The following RBFOX1 variants were observed in gnomAD, a reference collection of about 807,000 sequenced individuals.
RBFOX1 encodes the protein RNA binding fox-1 homolog 1.
Under a neutral mutation model 57.7 loss-of-function variants are expected in RBFOX1, and 8 were observed. That is an observed-to-expected ratio of 0.14 (90% CI 0.08 to 0.25). The LOEUF is 0.25. Among genes scored for constraint, RBFOX1 ranks in the 10% least tolerant of loss-of-function variants. The pLI, the probability that RBFOX1 is intolerant of heterozygous loss-of-function variation, is 1.00. For synonymous variants in RBFOX1, 326 were observed against 222.4 expected (o/e 1.47, Z -4.15); for missense variants, 611 against 548.5 (o/e 1.11, Z -1.14).
intron 3 of RBFOX1, among the ~76,000 whole-genome samples, chr16:6,778,188 AAC>A (rs1247681291): frequency 6.6e-6 from 1 of 152,126 alleles, no homozygotes; most frequent in Non-Finnish European, 1.5e-5. Context: ...AATCGATTAA[AAC>A]AATTCAGTCT....
chr16:7,432,038 C>T (rs1222874370), intron 4 of RBFOX1, among the ~76,000 whole-genome samples: 1 of 152,208 alleles, frequency 6.6e-6, no homozygotes, highest in African/African-American at 2.4e-5. Context: ...TTTCCTTACA[C>T]CCAGCCCAGT....
At chr16:6,731,089 G>C (rs1418790783) in intron 3 of RBFOX1, among the ~76,000 whole-genome samples, 1 of 152,116 alleles carries the variant, frequency 6.6e-6, no homozygotes, top group East Asian at 1.9e-4. Context: ...TTTACCTTTG[G>C]AAAACTGGTT....
chr16:6,494,230 G>A (rs2095704730), intron 2 of RBFOX1, among the ~76,000 whole-genome samples: 1 of 152,112 alleles, frequency 6.6e-6, no homozygotes, highest in South Asian at 2.1e-4. Flanking sequence ...TTTCCCTAAG[G>A]TTACTTGCAC....
chr16:6,746,537 C>T (rs989083407), intron 3 of RBFOX1, among the ~76,000 whole-genome samples: 2 of 151,942 alleles, frequency 1.3e-5, no homozygotes, highest in African/African-American at 2.4e-5. Context: ...AATTGCCGGG[C>T]ATGATGGCAC....
chr16:5,949,041 T>A (rs1365302204), intron 4 of RBFOX1, among the ~76,000 whole-genome samples: 1 of 152,146 alleles, frequency 6.6e-6, no homozygotes, highest in Non-Finnish European at 1.5e-5. Context: ...ACACAACTAT[T>A]ATGGGGGGTG....
At chr16:7,181,460 G>T (rs73538607) in intron 4 of RBFOX1, among the ~76,000 whole-genome samples, 4,584 of 152,128 alleles carry the variant, frequency 0.03, 233 homozygotes, top group African/African-American at 0.11. Flanking sequence ...GCTAGTAGTA[G>T]AAAAGTACTA....
intron 4 of RBFOX1, among the ~76,000 whole-genome samples, chr16:7,185,389 T>C (rs1209644353): frequency 6.6e-6 from 1 of 152,194 alleles, no homozygotes; most frequent in Non-Finnish European, 1.5e-5. Flanking sequence ...CCTTAATGCA[T>C]TTGACAGAGA....
chr16:6,111,528 T>G (rs963791272), intron 1 of RBFOX1, among the ~76,000 whole-genome samples: 1 of 152,212 alleles, frequency 6.6e-6, no homozygotes, highest in East Asian at 1.9e-4. Flanking sequence ...AAGTGTGTGA[T>G]GGAATCTTAT....
intron 1 of RBFOX1, among the ~76,000 whole-genome samples, chr16:5,251,314 C>A (rs1202883545): frequency 2.0e-5 from 3 of 152,264 alleles, no homozygotes; most frequent in African/African-American, 4.8e-5. Flanking sequence ...CATCCTAGAG[C>A]TGCCATGAGG....
At chr16:7,497,423 G>A (rs1490159025) in intron 4 of RBFOX1, among the ~76,000 whole-genome samples, 14 of 152,076 alleles carry the variant, frequency 9.2e-5, no homozygotes, top group Admixed American at 8.5e-4. Flanking sequence ...TCCTGTCTCT[G>A]AATTGAGAGC....
intron 2 of RBFOX1, among the ~76,000 whole-genome samples, chr16:6,575,138 T>G (rs1359827666): frequency 2.0e-5 from 3 of 152,078 alleles, no homozygotes; most frequent in Non-Finnish European, 4.4e-5. Flanking sequence ...CAGGACAGAT[T>G]ACGACACGTT....
chr16:6,532,282 C>G (rs970119439), intron 2 of RBFOX1, among the ~76,000 whole-genome samples: 8 of 152,122 alleles, frequency 5.3e-5, no homozygotes, highest in African/African-American at 1.9e-4. Flanking sequence ...CTCTTGGGTA[C>G]TCTTAGGAAA....
intron 3 of RBFOX1, among the ~76,000 whole-genome samples, chr16:5,809,247 C>T (rs571610485): frequency 3.1e-4 from 47 of 152,280 alleles, no homozygotes; most frequent in African/African-American, 9.4e-4. Context: ...CATTACCATT[C>T]AGGACATAGG....
intron 1 of RBFOX1, among the ~76,000 whole-genome samples, chr16:5,445,785 T>G (rs1296844211): frequency 6.6e-6 from 1 of 152,222 alleles, no homozygotes; most frequent in Non-Finnish European, 1.5e-5. Context: ...CTAGATGGCT[T>G]AAAGAGGAAC....
intron 3 of RBFOX1, among the ~76,000 whole-genome samples, chr16:6,852,059 G>A (rs1372574546): frequency 6.6e-6 from 1 of 151,732 alleles, no homozygotes; most frequent in Non-Finnish European, 1.5e-5. Flanking sequence ...TTGAGTAGCT[G>A]AGACTACAGG....
In RBFOX1 at chr16:7,359,135, C is replaced by G. The variant is rs2097271910; in HGVS notation, c.28-159012C>G. ...GAGTTAAACATGTTGGCTTTGGGTCCAATTCCTAGCCATCCGTGCAAATGC... is the reference window on the plus strand; with the variant it reads ...GAGTTAAACATGTTGGCTTTGGGTCGAATTCCTAGCCATCCGTGCAAATGC... On this transcript the variant is annotated intron_variant, in intron 4 of 15. Coordinates refer to ENST00000550418, the MANE Select transcript of RBFOX1 (RefSeq NM_018723.4). Among the ~76,000 whole-genome samples, 3 of 152,132 alleles carry G rather than the reference C, an allele frequency of 2.0e-5. No individual in the cohort carries two copies. In the South Asian group the frequency reaches 6.2e-4, roughly 32 times the overall value.
chr16:6,602,553 G>A (rs2097865541), intron 2 of RBFOX1, among the ~76,000 whole-genome samples: 1 of 152,090 alleles, frequency 6.6e-6, no homozygotes, highest in Admixed American at 6.6e-5. Context: ...AAGGCCACCT[G>A]CAGGACAGGG....
chr16:7,370,483 G>T (rs572782355), intron 4 of RBFOX1, among the ~76,000 whole-genome samples: 1 of 152,068 alleles, frequency 6.6e-6, no homozygotes, highest in Non-Finnish European at 1.5e-5. Flanking sequence ...TTATCAACGC[G>T]GGTAAGTTCT....
intron 4 of RBFOX1, among the ~76,000 whole-genome samples, chr16:5,935,703 C>G (rs2059154456): frequency 6.6e-6 from 1 of 152,178 alleles, no homozygotes; most frequent in South Asian, 2.1e-4. Context: ...GATGTTAAAG[C>G]AACAGAATAT....
Sources: gnomAD v4.1 joint callset for allele counts (sites outside exome capture counted in the v4.1 genomes callset) on GRCh38, gnomAD v4.1.1 for gene constraint, MANE v1.5 for transcripts, NCBI Gene and HGNC (gene_info 2026-07-23, HGNC 2026-07-21) for gene names.